DLG1: variants seen among roughly 807,000 people sequenced by gnomAD.
The protein encoded by DLG1 is disks large homolog 1.
A neutral mutation model predicts 123.4 loss-of-function variants in DLG1; 42 were observed. The observed-to-expected ratio is 0.34, with a 90% CI of 0.27 to 0.44. The LOEUF (loss-of-function observed/expected upper bound fraction) is 0.44, where lower values mean the gene tolerates loss of function less well. Among genes scored for constraint, DLG1 ranks in the 20% least tolerant of loss-of-function variants. DLG1 has a pLI of 1.00. For missense variants in DLG1, 942 were observed against 1,082.6 expected (o/e 0.87, Z 1.82); for synonymous variants, 317 against 356.2 (o/e 0.89, Z 1.24).
At chr3:197,286,527 C>T (rs1366573933) in intron 3 of DLG1, among the ~76,000 whole-genome samples, 1 of 152,158 alleles carries the variant, frequency 6.6e-6, no homozygotes, top group Non-Finnish European at 1.5e-5. Flanking sequence ...GTGGCAATCG[C>T]TCGCCTGCCG....
intron 14 of DLG1, among the ~76,000 whole-genome samples, chr3:197,099,375 A>T (rs908339999): frequency 2.0e-5 from 3 of 152,162 alleles, no homozygotes; most frequent in African/African-American, 7.2e-5. Flanking sequence ...TTGACGGAAG[A>T]GTTTCATCCC....
intron 4 of DLG1, among the ~76,000 whole-genome samples, chr3:197,247,327 G>C (rs1251884703): frequency 6.6e-6 from 1 of 152,176 alleles, no homozygotes; most frequent in Non-Finnish European, 1.5e-5. Flanking sequence ...GGGAGGAACT[G>C]AGTGAGGAGA....
At chr3:197,170,968 C>CCAAT (rs1250409225) in intron 5 of DLG1, among the ~76,000 whole-genome samples, 1 of 152,100 alleles carries the variant, frequency 6.6e-6, no homozygotes, top group Non-Finnish European at 1.5e-5. Context: ...TCTTTTGGTA[C>CCAAT]CAATATCTTA....
At chr3:197,226,552 C>G (rs559357207) in intron 4 of DLG1, among the ~76,000 whole-genome samples, 7 of 152,090 alleles carry the variant, frequency 4.6e-5, no homozygotes, top group Non-Finnish European at 8.8e-5. Context: ...AAAAAGAGTA[C>G]CTCAATTATC....
chr3:197,168,355 T>C (rs370758542), intron 5 of DLG1, among the ~76,000 whole-genome samples: 2 of 152,216 alleles, frequency 1.3e-5, no homozygotes, highest in Non-Finnish European at 2.9e-5. Context: ...TGATAACCAA[T>C]TCTGGTAACA....
chr3:197,280,728 A>T (rs1768898593), intron 4 of DLG1, among the ~76,000 whole-genome samples: 1 of 152,228 alleles, frequency 6.6e-6, no homozygotes, highest in Admixed American at 6.5e-5. Flanking sequence ...ACAATAAAAA[A>T]TACTAGTAAG....
rs74612670 is a variant in DLG1 at position 197,180,345 on chromosome 3, G to A, written c.483+14080C>T. 4.1e-3 allele frequency among the ~76,000 whole-genome samples: 620 copies of A among 152,236 alleles called. 9 individuals are homozygous for A. In the East Asian group the frequency reaches 0.064, roughly 16 times the overall value. On this transcript the variant is annotated intron_variant, in intron 5 of 24. Coordinates refer to ENST00000667157, the MANE Select transcript of DLG1 (RefSeq NM_001366207.1). The stretch of plus-strand genomic sequence containing the variant: ...TAAAAACTGGTCCCAGATTGGAACA[G>A]GACTGTGTATGCTAAGTAGGACGGG...
At chr3:197,068,424 T>C in intron 19 of DLG1, 2 of 946,652 alleles carry the variant, frequency 2.1e-6, no homozygotes, top group Non-Finnish European at 3.2e-6. Context: ...AGAAAAATAA[T>C]CAACCAAATG....
chr3:197,267,732 C>A (rs999847898), intron 4 of DLG1, among the ~76,000 whole-genome samples: 4 of 152,062 alleles, frequency 2.6e-5, no homozygotes, highest in Admixed American at 2.0e-4. Context: ...ATGCTGAAGT[C>A]TTTTTTTATA....
intron 4 of DLG1, among the ~76,000 whole-genome samples, chr3:197,246,455 T>C (rs754262597): frequency 3.3e-5 from 5 of 152,180 alleles, no homozygotes; most frequent in Non-Finnish European, 7.3e-5. Flanking sequence ...GTGGGCCATC[T>C]TCCTACCTTT....
At chr3:197,232,270 G>C (rs748703140) in intron 4 of DLG1, among the ~76,000 whole-genome samples, 2 of 151,710 alleles carry the variant, frequency 1.3e-5, no homozygotes, top group East Asian at 3.9e-4. Flanking sequence ...GGAGGCTGAG[G>C]GGGGAAGACA....
intron 22 of DLG1, among the ~76,000 whole-genome samples, chr3:197,061,073 G>C (rs1735435887): frequency 6.6e-6 from 1 of 152,098 alleles, no homozygotes; most frequent in Admixed American, 6.5e-5. Flanking sequence ...CAAAGTGCTG[G>C]GATTATAGGC....
intron 14 of DLG1, among the ~76,000 whole-genome samples, chr3:197,093,534 C>G (rs1758933601): frequency 2.0e-5 from 3 of 150,596 alleles, no homozygotes; most frequent in Non-Finnish European, 4.4e-5. Flanking sequence ...CAGAAGATCA[C>G]TGCACAATAT....
chr3:197,118,647 C>A (rs1426482759), intron 12 of DLG1, among the ~76,000 whole-genome samples: 1 of 152,116 alleles, frequency 6.6e-6, no homozygotes, highest in African/African-American at 2.4e-5. Context: ...AATTACAAAG[C>A]AAACTCTATA....
At chr3:197,121,438 C>T (rs1776317252) in intron 11 of DLG1, among the ~76,000 whole-genome samples, 1 of 152,000 alleles carries the variant, frequency 6.6e-6, no homozygotes, top group South Asian at 2.1e-4. Context: ...TGGGAAAAGA[C>T]TGGTGTCCAA....
chr3:197,197,539 G>C (rs1277399339), intron 4 of DLG1, among the ~76,000 whole-genome samples: 1 of 152,156 alleles, frequency 6.6e-6, no homozygotes, highest in Admixed American at 6.5e-5. Context: ...TGAAAAATTG[G>C]CTCCCTGCCA....
intron 4 of DLG1, among the ~76,000 whole-genome samples, chr3:197,258,618 T>A (rs1757950263): frequency 6.6e-6 from 1 of 152,134 alleles, no homozygotes; most frequent in African/African-American, 2.4e-5. Context: ...AGTATTAACA[T>A]GATAAAATTA....
chr3:197,283,964 C>A (rs552872752), intron 3 of DLG1, among the ~76,000 whole-genome samples: 1 of 149,506 alleles, frequency 6.7e-6, no homozygotes, highest in Non-Finnish European at 1.5e-5. Context: ...TGGGTTCATG[C>A]GATTCTCCTG....
rs1721626817 is a variant in DLG1, at chr3:197,044,510, G to A, written c.*113C>T. ...AAAAAGAAGCTGCAGACCATGATGT[G>A]TGGGATACAATTCAACATGAAATCA... On this transcript the variant is annotated 3_prime_UTR_variant, in exon 25 of 25. Transcript: ENST00000667157. 1.6e-6 allele frequency: 1 copy of A among 624,072 alleles called. No homozygotes were observed. Among genetic ancestry groups the A allele is most frequent in the Non-Finnish European group, 2.8e-6 (1 of 354,374 alleles). 38.7% of individuals were successfully genotyped at this position (624,072 alleles called of 1,614,324 possible). A position where few individuals can be genotyped will look rare whatever the true frequency, so the allele number is the denominator to read the frequency against.
Sources: gnomAD v4.1 joint callset for allele counts (sites outside exome capture counted in the v4.1 genomes callset) on GRCh38, gnomAD v4.1.1 for gene constraint, MANE v1.5 for transcripts, NCBI Gene and HGNC (gene_info 2026-07-23, HGNC 2026-07-21) for gene names.